FGD3: variants seen among roughly 807,000 people sequenced by gnomAD.
FGD3 encodes FYVE, RhoGEF and PH domain-containing protein 3.
Under a neutral mutation model 71.8 loss-of-function variants are expected in FGD3, and 45 were observed. The ratio of observed to expected loss-of-function variants is 0.63; its 90% CI spans 0.49 to 0.80. FGD3 has a LOEUF of 0.80. FGD3 is among the 30% of genes least tolerant of loss of function. The pLI is 0.00. For synonymous variants in FGD3, 378 were observed against 392.8 expected, an observed-to-expected ratio of 0.96 and a Z score of 0.44; for missense variants, 844 against 951.5, an observed-to-expected ratio of 0.89 and a Z score of 1.49.
At chr9:93,024,342 C>T (rs1188192935) in intron 14 of FGD3, among the ~76,000 whole-genome samples, 1 of 152,240 alleles carries the variant, frequency 6.6e-6, no homozygotes, top group Admixed American at 6.5e-5. Context: ...CCTGATCAGC[C>T]CCACTGCCTG....
chr9:92,992,105 C>T (rs1185364144), intron 3 of FGD3, among the ~76,000 whole-genome samples: 5 of 152,110 alleles, frequency 3.3e-5, no homozygotes, highest in Non-Finnish European at 7.4e-5. Context: ...ATCCATTCAG[C>T]TAGTTTATCT....
chr9:92,966,040 G>T (rs942827980), intron 1 of FGD3, among the ~76,000 whole-genome samples: 1 of 152,218 alleles, frequency 6.6e-6, no homozygotes, highest in South Asian at 2.1e-4. Context: ...TAGGCGGGAC[G>T]ACCGTCAGCT....
chr9:92,992,114 C>A (rs1860436434), intron 3 of FGD3, among the ~76,000 whole-genome samples: 1 of 152,092 alleles, frequency 6.6e-6, no homozygotes, highest in African/African-American at 2.4e-5. Flanking sequence ...GCTAGTTTAT[C>A]TTTTAAACAG....
At chr9:92,958,873 GAAT>G (rs1859113899) in intron 1 of FGD3, among the ~76,000 whole-genome samples, 7 of 152,296 alleles carry the variant, frequency 4.6e-5, no homozygotes, top group Admixed American at 4.6e-4. Context: ...TTGAACAAAT[GAAT>G]GAAAATCTAT....
At chr9:92,965,694 C>T (rs1308711583) in intron 1 of FGD3, among the ~76,000 whole-genome samples, 1 of 152,256 alleles carries the variant, frequency 6.6e-6, no homozygotes, top group African/African-American at 2.4e-5. Flanking sequence ...AGCCTCACCA[C>T]TGTCCGAGGA....
chr9:92,967,848 C>CA (rs1191592062), intron 1 of FGD3, among the ~76,000 whole-genome samples: 1 of 152,206 alleles, frequency 6.6e-6, no homozygotes, highest in Admixed American at 6.5e-5. Context: ...GCTGGGATTA[C>CA]AGGCATGAGC....
At position 93,029,962 on chromosome 9, in the gene FGD3, C is replaced by T. The variant is rs1415542049; in HGVS notation, c.1646C>T (p.Thr549Ile). 6.2e-7 allele frequency: 1 copy of T among 1,613,358 alleles called. No homozygotes were observed. Among genetic ancestry groups the T allele is most frequent in the Non-Finnish European group, 8.5e-7 (1 of 1,179,622 alleles). ...KSCGETFNSI[T>I]KRRHHCKLCG... ...TGTGGTGAGACCTTCAACTCCATCA[C>T]CAAGAGGAGGCATCACTGCAAGCTG... Residue 549 changes from threonine (T) to isoleucine (I), a missense_variant, in exon 15 of 18, where the codon ACC (threonine) becomes ATC (isoleucine). By Grantham distance (89) the Thr-to-Ile change is moderately conservative. Transcript: ENST00000375482.
rs71364336 is a variant in FGD3, at chr9:92,956,838, C to CT, written c.-218+9126dup. On this transcript the variant is annotated intron_variant, in intron 1 of 17. Coordinates refer to ENST00000375482, the MANE Select transcript of FGD3 (RefSeq NM_001083536.2). ...ATCCATCCATATAATTGCTTTCTTT[C>CT]TTTTTTTTTTTTTTTTTGAAGACAG... Among the ~76,000 whole-genome samples the CT allele has an allele frequency of 2.8e-3, 395 of 138,708 alleles. 9 individuals carry two copies. The highest frequency in any genetic ancestry group is 7.6e-3 in the Middle Eastern group (2 of 262). 91.0% of individuals were successfully genotyped at this position (138,708 alleles called of 152,430 possible).
At chr9:93,029,755 C>T in intron 14 of FGD3, 119 bp from the exon 15 acceptor site, 27 of 1,354,374 alleles carry the variant, frequency 2.0e-5, no homozygotes, top group Non-Finnish European at 2.5e-5. Flanking sequence ...CTGCATGTTC[C>T]ACTTTTTGCC....
chr9:92,995,252 C>T (rs1860587099), intron 3 of FGD3, among the ~76,000 whole-genome samples: 1 of 152,126 alleles, frequency 6.6e-6, no homozygotes, highest in African/African-American at 2.4e-5. Flanking sequence ...AATGGGAGTT[C>T]ACTCATGATT....
At chr9:92,959,775 G>A (rs1859135457) in intron 1 of FGD3, among the ~76,000 whole-genome samples, 1 of 151,662 alleles carries the variant, frequency 6.6e-6, no homozygotes, top group Admixed American at 6.6e-5. Context: ...ATTTGTGTGG[G>A]TGTTTTGGAA....
rs545877092 is a variant in FGD3, at chr9:92,976,441, C to T, written c.185C>T (p.Thr62Met). 2.2e-5 allele frequency: 35 copies of T among 1,611,742 alleles called. No individual in the cohort carries two copies. The highest frequency in any genetic ancestry group is 1.1e-4 in the East Asian group (5 of 44,844). The change falls in exon 3 of 18, where the codon ACG becomes ATG. Residue 62 changes from threonine to methionine, a missense_variant. Thr to Met is a moderately conservative substitution (Grantham distance 81, BLOSUM62 -1). Coordinates refer to ENST00000375482, the MANE Select transcript of FGD3 (RefSeq NM_001083536.2). ...AGDGSPDIGPTGELSGSLKIP... is the reference protein window; with the variant it reads ...AGDGSPDIGPMGELSGSLKIP... ...GACGGCTCTCCAGACATAGGCCCCACGGGAGAGCTGAGTGGTAGCTTAAAG... is the reference window on the plus strand; with the variant it reads ...GACGGCTCTCCAGACATAGGCCCCATGGGAGAGCTGAGTGGTAGCTTAAAG...
intron 1 of FGD3, among the ~76,000 whole-genome samples, chr9:92,973,077 A>G (rs1457272006): frequency 7.5e-6 from 1 of 132,594 alleles, no homozygotes; most frequent in Admixed American, 7.2e-5. Context: ...TTTTCTCTTC[A>G]TTAGTTATAG....
intron 8 of FGD3, among the ~76,000 whole-genome samples, chr9:93,011,981 AC>A (rs904236702): frequency 4.6e-5 from 7 of 151,678 alleles, no homozygotes; most frequent in African/African-American, 1.7e-4. Context: ...ATATGGTGAA[AC>A]CCCATCTCTA....
Position 93,004,182 on chromosome 9 carries a change from C to G in FGD3, c.680+45C>G, listed in dbSNP as rs370725925. The G allele has an allele frequency of 2.7e-5, 44 of 1,607,282 alleles. No homozygotes were observed. In the African/African-American group the frequency reaches 5.2e-4, roughly 19 times the overall value. On this transcript the variant is annotated intron_variant, in intron 5 of 17. Coordinates refer to ENST00000375482, the MANE Select transcript of FGD3 (RefSeq NM_001083536.2). ...GCCCATGGGGCCCCTCAAGTGTTCT[C>G]TAGACCAGGGTTCATGTGCCTGAGA...
At chr9:93,010,458 A>G (rs1861274601) in intron 7 of FGD3, 74 bp downstream of exon 7, 1 of 836,834 alleles carries the variant, frequency 1.2e-6, no homozygotes, top group South Asian at 1.7e-5. Flanking sequence ...GGAGAGAGGG[A>G]GAGAGAGAGT....
chr9:92,993,877 TG>T (rs1860521528), intron 3 of FGD3, among the ~76,000 whole-genome samples: 1 of 152,216 alleles, frequency 6.6e-6, no homozygotes. Flanking sequence ...GATGGACATT[TG>T]GGTTGGTTCC....
intron 1 of FGD3, among the ~76,000 whole-genome samples, chr9:92,972,335 C>T (rs534716320): frequency 6.6e-6 from 1 of 151,574 alleles, no homozygotes; most frequent in Non-Finnish European, 1.5e-5. Flanking sequence ...GCCTGTAATC[C>T]CAGCTACTCA....
chr9:92,993,947 G>C (rs538738788), intron 3 of FGD3, among the ~76,000 whole-genome samples: 52 of 152,304 alleles, frequency 3.4e-4, no homozygotes, highest in African/African-American at 1.1e-3. Flanking sequence ...TGTCTTTATA[G>C]CAGCGTGATT....
Sources: allele counts gnomAD v4.1 joint callset (sites outside exome capture counted in the v4.1 genomes callset), GRCh38; gene constraint gnomAD v4.1.1; transcripts MANE v1.5; gene names NCBI Gene and HGNC (gene_info 2026-07-23, HGNC 2026-07-21).